Variants in KLHL32 observed in about 807,000 individuals in gnomAD.
The protein encoded by KLHL32 is kelch-like protein 32.
In KLHL32, 35 loss-of-function variants were observed where a neutral mutation model predicts 64.8. That is an observed-to-expected ratio of 0.54 (90% CI 0.41 to 0.72). The LOEUF (loss-of-function observed/expected upper bound fraction) is 0.72. Ranked by LOEUF, KLHL32 falls within the 30% of genes least tolerant of loss-of-function variation. The pLI, the probability that KLHL32 is intolerant of heterozygous loss-of-function variation, is 0.00. For missense variants in KLHL32, 589 were observed against 768.5 expected (o/e 0.77, Z 2.76); for synonymous variants, 259 against 281.0 (o/e 0.92, Z 0.78).
At chr6:97,125,027 A>G (rs1206167) in intron 7 of KLHL32, among the ~76,000 whole-genome samples, 86,391 of 152,064 alleles carry the variant, frequency 0.57, 26,053 homozygotes, top group African/African-American at 0.78. Flanking sequence ...TGAGATATTC[A>G]ATGAGAAATC....
chr6:97,032,648 C>T (rs766556104), intron 3 of KLHL32, among the ~76,000 whole-genome samples: 1 of 151,900 alleles, frequency 6.6e-6, no homozygotes, highest in South Asian at 2.1e-4. Flanking sequence ...GCAAGCAGGC[C>T]GTCAGCACAT....
intron 1 of KLHL32, among the ~76,000 whole-genome samples, chr6:96,951,290 T>C (rs1198581878): frequency 2.0e-5 from 3 of 152,136 alleles, no homozygotes; most frequent in Non-Finnish European, 4.4e-5. Context: ...TCAACAGCCC[T>C]ATACACCTTG....
At chr6:96,986,577 G>A (rs541656539) in intron 3 of KLHL32, among the ~76,000 whole-genome samples, 33 of 152,300 alleles carry the variant, frequency 2.2e-4, no homozygotes, top group African/African-American at 7.5e-4. Context: ...AATGGCGGGC[G>A]CCCCTCCCCC....
the KLHL32 span, among the ~76,000 whole-genome samples, chr6:96,918,654 T>C: frequency 2.6e-5 from 4 of 152,206 alleles, no homozygotes; most frequent in African/African-American, 4.8e-5. Flanking sequence ...AATTCCATGA[T>C]AAGTGGCCTA....
the KLHL32 span, among the ~76,000 whole-genome samples, chr6:96,902,718 T>C: frequency 2.0e-5 from 3 of 152,220 alleles, no homozygotes; most frequent in Non-Finnish European, 2.9e-5. Context: ...TTCATAGTTT[T>C]GGGTTTTACA....
At chr6:96,930,661 C>T (rs1302860616) in intron 1 of KLHL32, among the ~76,000 whole-genome samples, 1 of 151,952 alleles carries the variant, frequency 6.6e-6, no homozygotes, top group East Asian at 1.9e-4. Flanking sequence ...GACCTTGGAG[C>T]AGAGCTACCC....
Position 97,113,997 on chromosome 6 carries a change from G to A in KLHL32, c.842G>A (p.Arg281Lys). ...IYAQPVWQTRRTKPRFQSDTL... is the reference protein window; with the variant it reads ...IYAQPVWQTRKTKPRFQSDTL... ...GCACAGCCTGTCTGGCAGACTCGCA[G>A]GACCAAACCACGATTCCAGTCAGAC... The change falls in exon 7 of 11, where the codon AGG becomes AAG. Residue 281 changes from arginine to lysine, a missense_variant. Arg to Lys is a conservative substitution (Grantham distance 26). Around this residue, in one of 3 missense-constraint regions of KLHL32, gnomAD observed 226 missense variants for 353.2 expected, o/e 0.64. Transcript: ENST00000369261. The A allele has an allele frequency of 6.2e-7, 1 of 1,614,212 alleles. No individual in the cohort carries two copies. The highest frequency in any genetic ancestry group is 8.5e-7 in the Non-Finnish European group (1 of 1,180,030).
chr6:96,934,682 A>C (rs558237949), intron 1 of KLHL32, among the ~76,000 whole-genome samples: 32 of 152,390 alleles, frequency 2.1e-4, no homozygotes, highest in African/African-American at 7.0e-4. Context: ...TAATATCCTC[A>C]TAGTTGTCCA....
chr6:96,907,126 A>G, the KLHL32 span, among the ~76,000 whole-genome samples: 4 of 152,222 alleles, frequency 2.6e-5, no homozygotes, highest in Admixed American at 2.0e-4. Context: ...TTATTTAGCA[A>G]TGCAGCTTTG....
intron 4 of KLHL32, among the ~76,000 whole-genome samples, chr6:97,044,180 G>A (rs1251557564): frequency 6.6e-6 from 1 of 151,942 alleles, no homozygotes; most frequent in African/African-American, 2.4e-5. Context: ...TGCCTAACTT[G>A]TTGAGAGTTT....
chr6:96,986,967 G>A (rs1174404329), intron 3 of KLHL32, among the ~76,000 whole-genome samples: 2 of 152,186 alleles, frequency 1.3e-5, no homozygotes, highest in Admixed American at 6.5e-5. Flanking sequence ...CATCGCTCAC[G>A]CTGGGAGCTG....
intron 5 of KLHL32, among the ~76,000 whole-genome samples, chr6:97,068,703 G>A (rs1385874221): frequency 6.6e-6 from 1 of 152,132 alleles, no homozygotes; most frequent in Non-Finnish European, 1.5e-5. Context: ...TGACTCTAAG[G>A]TTTTACAAAT....
intron 7 of KLHL32, among the ~76,000 whole-genome samples, chr6:97,119,185 G>A (rs766645626): frequency 3.9e-5 from 6 of 152,120 alleles, no homozygotes; most frequent in Non-Finnish European, 7.3e-5. Context: ...ACAATTAGCA[G>A]GAGGGCTTGG....
chr6:96,941,092 C>A (rs1771225169), intron 1 of KLHL32, among the ~76,000 whole-genome samples: 1 of 152,176 alleles, frequency 6.6e-6, no homozygotes, highest in South Asian at 2.1e-4. Flanking sequence ...GCCATTATTT[C>A]TTCCTTTGTA....
intron 7 of KLHL32, among the ~76,000 whole-genome samples, chr6:97,119,170 G>A (rs540494096): frequency 6.6e-6 from 1 of 152,270 alleles, no homozygotes; most frequent in South Asian, 2.1e-4. Context: ...ACCTGTGGGA[G>A]GAGGACAATT....
rs182623012 is a variant in KLHL32, at chr6:96,926,840, A to G, written c.-66+1814A>G. On this transcript the variant is annotated intron_variant, in intron 1 of 10. Transcript: ENST00000369261. ...TGGATTTTTTTTATGAGGTATCCTT[A>G]ATTTTAAAAACTGTAAGGACCACAT... 2.5e-3 allele frequency among the ~76,000 whole-genome samples: 374 copies of G among 152,294 alleles called. 5 individuals are homozygous for G. The highest frequency in any genetic ancestry group is 8.7e-3 in the African/African-American group (360 of 41,556).
intron 3 of KLHL32, among the ~76,000 whole-genome samples, chr6:96,988,811 G>T (rs180681520): frequency 2.8e-4 from 43 of 152,244 alleles, no homozygotes. Context: ...GTAGGGACAT[G>T]GATGAAGATG....
chr6:97,006,587 A>G (rs1172115240), intron 3 of KLHL32, among the ~76,000 whole-genome samples: 1 of 152,070 alleles, frequency 6.6e-6, no homozygotes, highest in Non-Finnish European at 1.5e-5. Context: ...TTGATTGTGT[A>G]GTTGCTCTAT....
At chr6:97,118,408 TAGG>T in intron 7 of KLHL32, among the ~76,000 whole-genome samples, 1 of 152,036 alleles carries the variant, frequency 6.6e-6, no homozygotes, top group East Asian at 1.9e-4. Context: ...CGCCTGAGAT[TAGG>T]AGTTCGAGAC....
Sources: gnomAD v4.1 joint callset for allele counts (sites outside exome capture counted in the v4.1 genomes callset) on GRCh38, gnomAD v4.1.1 for gene constraint, gnomAD v4.1.1 regional missense constraint, MANE v1.5 for transcripts, NCBI Gene and HGNC (gene_info 2026-07-23, HGNC 2026-07-21) for gene names.